LRRK1: variants seen among roughly 807,000 people sequenced by gnomAD.
LRRK1 encodes leucine-rich repeat serine/threonine-protein kinase 1.
LRRK1 carries 113 observed loss-of-function variants against 209.1 expected under a neutral mutation model. The observed-to-expected ratio is 0.54, with a 90% CI of 0.46 to 0.63. The LOEUF (loss-of-function observed/expected upper bound fraction) is 0.63. Ranked by LOEUF, LRRK1 falls within the 30% of genes least tolerant of loss-of-function variation. LRRK1 has a pLI of 0.00. For missense variants in LRRK1, 2,284 were observed against 2,632.2 expected, an observed-to-expected ratio of 0.87 and a Z score of 2.89; for synonymous variants, 1,144 against 1,099.7, an observed-to-expected ratio of 1.04 and a Z score of -0.80.
chr15:100,926,618 A>G (rs1281665577), intron 2 of LRRK1, among the ~76,000 whole-genome samples: 1 of 150,786 alleles, frequency 6.6e-6, no homozygotes, highest in Admixed American at 6.6e-5. Context: ...GGGAGTGAAC[A>G]AGCATGGGTA....
chr15:100,952,423 G>A (rs150824329), intron 2 of LRRK1, among the ~76,000 whole-genome samples: 1 of 152,316 alleles, frequency 6.6e-6, no homozygotes, highest in East Asian at 1.9e-4. Flanking sequence ...TACACTCCCA[G>A]GCTAAAAAGG....
intron 22 of LRRK1, 151 bp from the exon 23 acceptor site, chr15:101,049,493 A>G (rs529841672): frequency 2.5e-6 from 2 of 809,620 alleles, no homozygotes; most frequent in Non-Finnish European, 1.9e-6. Context: ...ACGCACACGT[A>G]CATACAGGGA....
intron 4 of LRRK1, among the ~76,000 whole-genome samples, chr15:100,985,600 C>T (rs964276140): frequency 4.6e-5 from 7 of 152,170 alleles, no homozygotes; most frequent in African/African-American, 1.7e-4. Context: ...CTGGGCTTTG[C>T]AGAGTGAATA....
intron 20 of LRRK1, among the ~76,000 whole-genome samples, chr15:101,031,819 C>T (rs2034296945): frequency 6.6e-6 from 1 of 151,856 alleles, no homozygotes; most frequent in Admixed American, 6.6e-5. Context: ...ATTACAAGCT[C>T]TGCCTCCCGG....
intron 2 of LRRK1, among the ~76,000 whole-genome samples, chr15:100,972,363 A>AGTGTGTGT (rs139709615): frequency 1.1e-4 from 11 of 98,496 alleles, no homozygotes; most frequent in African/African-American, 4.4e-4. Context: ...AGAGAGAGAG[A>AGTGTGTGT]GTGTGTGTGT....
chr15:101,076,644 C>T lies in LRRK1; in HGVS notation c.*7796C>T, dbSNP rs2036996513. 1 of 152,294 alleles carries T rather than the reference C, an allele frequency of 6.6e-6. No individual in the cohort carries two copies. The highest frequency in any genetic ancestry group is 1.5e-5 in the Non-Finnish European group (1 of 68,146). 9.4% of individuals were successfully genotyped at this position (152,294 alleles called of 1,614,324 possible). A position where few individuals can be genotyped will look rare whatever the true frequency, so the allele number is the denominator to read the frequency against. On this transcript the variant is annotated 3_prime_UTR_variant, in exon 34 of 34. Transcript: ENST00000388948. ...TTCCTTTCCATCGTGGAAATCTATC[C>T]TCAAGGAAATAACTTCTCAGTGTTC...
intron 3 of LRRK1, among the ~76,000 whole-genome samples, chr15:100,978,817 A>G (rs888309349): frequency 1.3e-5 from 2 of 152,222 alleles, no homozygotes; most frequent in African/African-American, 4.8e-5. Context: ...AATTCTACCT[A>G]ACATTTAAAG....
chr15:101,068,355 C>T (rs910997072), intron 33 of LRRK1, among the ~76,000 whole-genome samples: 6 of 152,192 alleles, frequency 3.9e-5, no homozygotes, highest in Middle Eastern at 3.4e-3. Flanking sequence ...GTTTTCTGGA[C>T]GCTTTGGGAG....
chr15:101,033,966 G>A (rs967750912), intron 20 of LRRK1, among the ~76,000 whole-genome samples: 2 of 148,932 alleles, frequency 1.3e-5, no homozygotes, highest in Non-Finnish European at 3.0e-5. Context: ...TGTTCAACTG[G>A]GGTTATATGA....
intron 2 of LRRK1, among the ~76,000 whole-genome samples, chr15:100,941,464 C>CTGTGTGTGTCTGTGTGTG (rs2042432624): frequency 2.6e-4 from 23 of 88,826 alleles, no homozygotes; most frequent in African/African-American, 1.0e-3. Flanking sequence ...GTCTATGTCT[C>CTGTGTGTGTCTGTGTGTG]TGTGTGTGTG....
intron 27 of LRRK1, 35 bp from the exon 28 acceptor site, chr15:101,056,821 A>C (rs777722179): frequency 1.4e-5 from 21 of 1,529,354 alleles, no homozygotes; most frequent in Non-Finnish European, 1.8e-5. Flanking sequence ...CACTGGGCCC[A>C]GGCAGCGACC....
intron 12 of LRRK1, among the ~76,000 whole-genome samples, chr15:101,017,250 G>A (rs2033581415): frequency 6.6e-6 from 1 of 152,222 alleles, no homozygotes; most frequent in Non-Finnish European, 1.5e-5. Flanking sequence ...ACATTTGCAG[G>A]AGGTGAACTA....
chr15:101,046,765 A>G (rs943868668), intron 21 of LRRK1, among the ~76,000 whole-genome samples: 8 of 152,176 alleles, frequency 5.3e-5, no homozygotes, highest in African/African-American at 1.9e-4. Context: ...ACTTGTGCAG[A>G]ACTGTACGTT....
chr15:100,936,023 G>A (rs748559428), intron 2 of LRRK1, among the ~76,000 whole-genome samples: 1 of 152,142 alleles, frequency 6.6e-6, no homozygotes, highest in African/African-American at 2.4e-5. Context: ...ACTACCTGTG[G>A]GTCAAAACAA....
rs931210315 is a variant in LRRK1 at position 101,024,584 on chromosome 15, G to A, written c.2068-219G>A. Among the ~76,000 whole-genome samples, 27 of 152,204 alleles carry A rather than the reference G, an allele frequency of 1.8e-4. No individual in the cohort carries two copies. The highest frequency in any genetic ancestry group is 5.8e-4 in the African/African-American group (24 of 41,438). The stretch of plus-strand genomic sequence containing the variant: ...GGGCCTGGTCTCTGCTCTGCTAGGA[G>A]TAGACAGAAGTCCCAGAAGCCCACC... On this transcript the variant is annotated intron_variant, in intron 15 of 33. Transcript: ENST00000388948. This position sits in a 1 kb window ranked among gnomAD's most constrained non-coding sequence, Gnocchi z 4.6.
At chr15:101,050,167 A>T (rs1286154164) in intron 23 of LRRK1, among the ~76,000 whole-genome samples, 1 of 152,120 alleles carries the variant, frequency 6.6e-6, no homozygotes, top group Non-Finnish European at 1.5e-5. Flanking sequence ...GCAGATGGAA[A>T]TTTATCCCCT....
chr15:100,964,236 G>A (rs1371020042), intron 2 of LRRK1, among the ~76,000 whole-genome samples: 3 of 152,122 alleles, frequency 2.0e-5, no homozygotes, highest in Non-Finnish European at 4.4e-5. Flanking sequence ...TCACCCCGGG[G>A]CTGGGTGACC....
chr15:101,015,211 A>C (rs969567124), intron 11 of LRRK1, 115 bp from the exon 12 acceptor site: 1 of 780,030 alleles, frequency 1.3e-6, no homozygotes. Flanking sequence ...CCAGGCCCTG[A>C]AGAGTTGCAC....
At chr15:101,036,462 G>T (rs978787712) in intron 20 of LRRK1, among the ~76,000 whole-genome samples, 4 of 151,856 alleles carry the variant, frequency 2.6e-5, no homozygotes, top group South Asian at 2.1e-4. Flanking sequence ...TTTTTTAAAT[G>T]ATATTAATAT....
Sources: gnomAD v4.1 joint callset for allele counts (sites outside exome capture counted in the v4.1 genomes callset) on GRCh38, gnomAD v4.1.1 for gene constraint, Gnocchi (gnomAD v3.1) non-coding constraint, MANE v1.5 for transcripts, NCBI Gene and HGNC (gene_info 2026-07-23, HGNC 2026-07-21) for gene names.